XPA: variants seen among roughly 807,000 people sequenced by gnomAD.
XPA encodes DNA repair protein complementing XP-A cells.
Under a neutral mutation model 35.7 loss-of-function variants are expected in XPA, and 27 were observed. That is an observed-to-expected ratio of 0.76 (90% CI 0.56 to 1.04). The LOEUF (loss-of-function observed/expected upper bound fraction) is 1.04, where lower values mean the gene tolerates loss of function less well. Among genes scored for constraint, XPA ranks in the 50% least tolerant of loss-of-function variants. The pLI, the probability that XPA is intolerant of heterozygous loss-of-function variation, is 0.00. For missense variants in XPA, 354 were observed against 342.7 expected, an observed-to-expected ratio of 1.03 and a Z score of -0.26; for synonymous variants, 133 against 118.4, an observed-to-expected ratio of 1.12 and a Z score of -0.80.
chr9:97,661,531 A>G, the XPA span, among the ~76,000 whole-genome samples: 1 of 152,356 alleles, frequency 6.6e-6, no homozygotes, highest in African/African-American at 2.4e-5. Context: ...GCCTGAATCA[A>G]TAAATGGATA....
downstream of XPA, chr9:97,673,730 A>G (rs1362774313): frequency 2.0e-5 from 3 of 152,234 alleles, no homozygotes; most frequent in Admixed American, 6.5e-5. Context: ...GCAATTTAAC[A>G]TGCTTTTGTC....
At chr9:97,661,146 A>G in the XPA span, 1 of 1,563,386 alleles carries the variant, frequency 6.4e-7, no homozygotes. Flanking sequence ...TGGCAACATG[A>G]TGCTCTTAAA....
the XPA span, among the ~76,000 whole-genome samples, chr9:97,661,630 A>G: frequency 6.6e-6 from 1 of 151,984 alleles, no homozygotes; most frequent in Non-Finnish European, 1.5e-5. Context: ...TCTCTAAGAA[A>G]TTTGTATTAT....
At chr9:97,682,118 A>G (rs1828561408) in intron 5 of XPA, 1 of 372,310 alleles carries the variant, frequency 2.7e-6, no homozygotes, top group Non-Finnish European at 5.2e-6. Context: ...AAACTGTAAA[A>G]TTCTTTTTGG....
chr9:97,670,033 C>T (rs1007817234), downstream of XPA: 3 of 378,456 alleles, frequency 7.9e-6, no homozygotes, highest in African/African-American at 4.2e-5. Context: ...AGCAATTCTT[C>T]TGCCTCAGCC....
chr9:97,688,358 C>T (rs1013403128), intron 3 of XPA, among the ~76,000 whole-genome samples: 1 of 152,142 alleles, frequency 6.6e-6, no homozygotes, highest in African/African-American at 2.4e-5. Flanking sequence ...TCGCATGTCC[C>T]TCTGACTCTC....
At chr9:97,656,014 A>G in the XPA span, 1 of 1,613,486 alleles carries the variant, frequency 6.2e-7, no homozygotes, top group Non-Finnish European at 8.5e-7. Flanking sequence ...TCCTTAGGTC[A>G]GATTGTCTTA....
the XPA span, chr9:97,669,738 C>A: frequency 2.2e-6 from 3 of 1,376,194 alleles, no homozygotes; most frequent in Non-Finnish European, 3.1e-6. Context: ...GGTAATAACA[C>A]TATTCTCAGC....
At chr9:97,659,417 C>T in the XPA span, among the ~76,000 whole-genome samples, 20 of 152,168 alleles carry the variant, frequency 1.3e-4, no homozygotes, top group Non-Finnish European at 1.2e-4. Flanking sequence ...GCTTTTCATA[C>T]TGTGTGCCTG....
chr9:97,677,314 G>A (rs1828396982), intron 5 of XPA, among the ~76,000 whole-genome samples: 1 of 152,106 alleles, frequency 6.6e-6, no homozygotes, highest in Non-Finnish European at 1.5e-5. Flanking sequence ...CAGTATGTCA[G>A]GCTATATAAT....
intron 5 of XPA, among the ~76,000 whole-genome samples, chr9:97,681,088 T>C (rs1157403680): frequency 6.6e-6 from 1 of 152,222 alleles, no homozygotes; most frequent in Non-Finnish European, 1.5e-5. Flanking sequence ...CTAAATCCTT[T>C]TTTAAATGAA....
Position 97,689,565 on chromosome 9 carries a change from G to A in XPA, c.358C>T (p.His120Tyr). 6.2e-7 allele frequency: 1 copy of A among 1,612,518 alleles called. No individual in the cohort carries two copies. The highest frequency in any genetic ancestry group is 8.5e-7 in the Non-Finnish European group (1 of 1,178,838). Residue 120 changes from histidine to tyrosine, a missense_variant, in exon 3 of 6, where the codon CAC becomes TAC. Physicochemically the swap from His to Tyr is moderately conservative, Grantham distance 83. Coordinates refer to ENST00000375128, the MANE Select transcript of XPA (RefSeq NM_000380.4). ...KEFMDSYLMN[H>Y]FDLPTCDNCR... is the part of the protein sequence containing the mutation. The stretch of plus-strand genomic sequence containing the variant: ...TTATCACAAGTTGGCAAATCAAAGT[G>A]GTTCATAAGATAAGAATCCATAAAT...
At chr9:97,695,790 C>CTAAT (rs1829025475) in intron 1 of XPA, among the ~76,000 whole-genome samples, 1 of 152,194 alleles carries the variant, frequency 6.6e-6, no homozygotes, top group Non-Finnish European at 1.5e-5. Flanking sequence ...CAGCACTTAC[C>CTAAT]TAACTCTTGA....
At chr9:97,669,244 G>A in the XPA span, among the ~76,000 whole-genome samples, 4 of 151,634 alleles carry the variant, frequency 2.6e-5, no homozygotes, top group Non-Finnish European at 5.9e-5. Context: ...TATATGTCTC[G>A]TTTAATTATT....
At chr9:97,682,669 C>G (rs2805835) in intron 5 of XPA, among the ~76,000 whole-genome samples, 13,110 of 152,148 alleles carry the variant, frequency 0.086, 731 homozygotes, top group South Asian at 0.14. Context: ...AAAAAGAAAC[C>G]AGACCCAAGA....
At chr9:97,695,692 C>T (rs1829021511) in intron 1 of XPA, among the ~76,000 whole-genome samples, 1 of 152,160 alleles carries the variant, frequency 6.6e-6, no homozygotes, top group African/African-American at 2.4e-5. Flanking sequence ...CAAGTTTTTT[C>T]AGTCTTTCAT....
At chr9:97,674,079 G>T (rs927199715), downstream of XPA, among the ~76,000 whole-genome samples, 5 of 152,076 alleles carry the variant, frequency 3.3e-5, no homozygotes, top group Non-Finnish European at 7.4e-5. Context: ...ATTTACCCAC[G>T]GTCCACAGCT....
the XPA span, among the ~76,000 whole-genome samples, chr9:97,665,236 TAAAC>T: frequency 6.6e-6 from 1 of 152,250 alleles, no homozygotes; most frequent in Admixed American, 6.5e-5. Flanking sequence ...TTGGCCTTCA[TAAAC>T]AAAGACAACA....
chr9:97,688,775 C>T (rs1320818749), intron 3 of XPA, among the ~76,000 whole-genome samples: 1 of 152,108 alleles, frequency 6.6e-6, no homozygotes, highest in Non-Finnish European at 1.5e-5. Flanking sequence ...AGCAACAAGC[C>T]AATCATGATG....
Sources: allele counts gnomAD v4.1 joint callset (sites outside exome capture counted in the v4.1 genomes callset), GRCh38; gene constraint gnomAD v4.1.1; transcripts MANE v1.5; gene names NCBI Gene and HGNC (gene_info 2026-07-23, HGNC 2026-07-21).